Variants in LRBA observed in about 807,000 individuals in gnomAD.
The protein encoded by LRBA is lipopolysaccharide-responsive and beige-like anchor protein.
In LRBA, 176 loss-of-function variants were observed where a neutral mutation model predicts 330.0. That is an observed-to-expected ratio of 0.53 (90% confidence interval 0.47 to 0.60). The LOEUF is 0.60. Ranked by LOEUF, LRBA falls within the 20% of genes least tolerant of loss-of-function variation. The pLI is 0.00. For synonymous variants in LRBA, 1,230 were observed against 1,193.0 expected (o/e 1.03, Z -0.64); for missense variants, 3,259 against 3,444.8 (o/e 0.95, Z 1.35).
intron 37 of LRBA, among the ~76,000 whole-genome samples, chr4:150,658,530 T>C (rs1295784619): frequency 0.19 from 3 of 16 alleles, no homozygotes; most frequent in African/African-American, 0.21. Flanking sequence ...TCCCTCTCCC[T>C]CTCCCTCTCC....
chr4:150,741,633 A>G (rs1731988467), intron 35 of LRBA, among the ~76,000 whole-genome samples: 1 of 152,296 alleles, frequency 6.6e-6, no homozygotes, highest in Middle Eastern at 3.4e-3. Flanking sequence ...TAAAAATAAA[A>G]CTAATTTTTA....
chr4:150,709,857 A>G (rs1786003577), intron 36 of LRBA, among the ~76,000 whole-genome samples: 1 of 152,030 alleles, frequency 6.6e-6, no homozygotes, highest in African/African-American at 2.4e-5. Flanking sequence ...GCTTCTGTGT[A>G]AAAGTGACAC....
chr4:150,585,674 T>C (rs1186697482), intron 40 of LRBA, among the ~76,000 whole-genome samples: 1 of 152,200 alleles, frequency 6.6e-6, no homozygotes, highest in Non-Finnish European at 1.5e-5. Context: ...AGGTACAGAA[T>C]ATATGTCAGA....
intron 37 of LRBA, among the ~76,000 whole-genome samples, chr4:150,615,062 G>C (rs1420321392): frequency 6.6e-6 from 1 of 152,204 alleles, no homozygotes; most frequent in Non-Finnish European, 1.5e-5. Context: ...AGGAGGTGAA[G>C]GTGTCAGTTA....
chr4:150,285,834 CAGAAGCTTT>C (rs1174720484), intron 54 of LRBA, 90 bp downstream of exon 54: 2 of 628,026 alleles, frequency 3.2e-6, no homozygotes, highest in African/African-American at 3.8e-5. Flanking sequence ...TCATAACAGA[CAGAAGCTTT>C]AGAAAAAAGG....
At chr4:150,326,083 G>C (rs924712934) in intron 48 of LRBA, among the ~76,000 whole-genome samples, 185 bp from the exon 49 acceptor site, 4 of 152,138 alleles carry the variant, frequency 2.6e-5, no homozygotes, top group Admixed American at 6.6e-5. Context: ...ATTTAGAACC[G>C]CAGAAGCTGT....
At chr4:150,611,890 A>G (rs953799438) in intron 37 of LRBA, among the ~76,000 whole-genome samples, 6 of 152,066 alleles carry the variant, frequency 3.9e-5, no homozygotes, top group Non-Finnish European at 8.8e-5. Context: ...CTTTATTTCT[A>G]CGCGCTCTCT....
intron 17 of LRBA, among the ~76,000 whole-genome samples, chr4:150,874,535 T>C (rs892524917): frequency 6.6e-6 from 1 of 152,204 alleles, no homozygotes; most frequent in Admixed American, 6.5e-5. Flanking sequence ...GGAGGAAAGC[T>C]GCTACAGCTG....
At chr4:150,875,492 A>C (rs1753912389) in intron 17 of LRBA, among the ~76,000 whole-genome samples, 1 of 152,164 alleles carries the variant, frequency 6.6e-6, no homozygotes, top group African/African-American at 2.4e-5. Context: ...TTCTCCCACT[A>C]AACAAGGGTC....
chr4:150,586,769 A>T (rs1772165832), intron 40 of LRBA, among the ~76,000 whole-genome samples: 1 of 152,218 alleles, frequency 6.6e-6, no homozygotes, highest in Admixed American at 6.5e-5. Context: ...AATTAATTAG[A>T]CACTTTTAAA....
chr4:150,940,987 C>G (rs1434258012), intron 2 of LRBA, among the ~76,000 whole-genome samples: 1 of 151,946 alleles, frequency 6.6e-6, no homozygotes, highest in Non-Finnish European at 1.5e-5. Context: ...AGTGTATCTA[C>G]TGACTCCTCA....
At chr4:150,292,205 C>G (rs1206279684) in intron 53 of LRBA, among the ~76,000 whole-genome samples, 1 of 152,152 alleles carries the variant, frequency 6.6e-6, no homozygotes, top group African/African-American at 2.4e-5. Flanking sequence ...TAGTATCTTG[C>G]TCATAAATAT....
chr4:150,982,108 G>A (rs1359987320), intron 2 of LRBA, among the ~76,000 whole-genome samples: 1 of 151,930 alleles, frequency 6.6e-6, no homozygotes, highest in Non-Finnish European at 1.5e-5. Context: ...AACACATCAA[G>A]TTTTCTTCAT....
At chr4:150,851,393 C>CATG (rs1414037512) in intron 23 of LRBA, among the ~76,000 whole-genome samples, 1 of 152,230 alleles carries the variant, frequency 6.6e-6, no homozygotes, top group Non-Finnish European at 1.5e-5. Context: ...AGCACTGTCT[C>CATG]ATGGGTCACT....
rs768700922 is a variant in LRBA, at chr4:150,400,601, C to G, written c.7194+14837G>C. Among the ~76,000 whole-genome samples, 40 of 152,228 alleles carry G rather than the reference C, an allele frequency of 2.6e-4. 1 individual carries two copies. Among genetic ancestry groups the G allele is most frequent in the Middle Eastern group, 3.4e-3 (1 of 294 alleles). ...AAGTGCAGTGGCTCATGCCTGTAATCCCAGCACTTTGGGAGGACAAGGAGG... is the reference window on the plus strand; with the variant it reads ...AAGTGCAGTGGCTCATGCCTGTAATGCCAGCACTTTGGGAGGACAAGGAGG... On this transcript the variant is annotated intron_variant, in intron 47 of 56. Coordinates refer to ENST00000651943, the MANE Select transcript of LRBA (RefSeq NM_001364905.1).
At chr4:150,512,721 A>G (rs936073366) in intron 40 of LRBA, among the ~76,000 whole-genome samples, 3 of 64,752 alleles carry the variant, frequency 4.6e-5, no homozygotes, top group Non-Finnish European at 5.2e-5. Flanking sequence ...TTTTGAGAAA[A>G]AAAAAAAAAA....
chr4:150,681,932 A>G (rs1002043673), intron 37 of LRBA, among the ~76,000 whole-genome samples: 4 of 152,188 alleles, frequency 2.6e-5, no homozygotes, highest in Non-Finnish European at 4.4e-5. Flanking sequence ...TTACACCAAA[A>G]TCACTTCAGG....
intron 40 of LRBA, among the ~76,000 whole-genome samples, chr4:150,528,426 G>A (rs959469189): frequency 1.9e-4 from 29 of 151,628 alleles, no homozygotes; most frequent in African/African-American, 5.6e-4. Context: ...GCGTGAACCC[G>A]GGAGGTGGAG....
At chr4:150,800,524 G>A (rs1741452598) in intron 33 of LRBA, among the ~76,000 whole-genome samples, 1 of 152,138 alleles carries the variant, frequency 6.6e-6, no homozygotes, top group South Asian at 2.1e-4. Flanking sequence ...CTCATCACAT[G>A]TGCAAAAAAA....
Sources: gnomAD v4.1 joint callset for allele counts (sites outside exome capture counted in the v4.1 genomes callset) on GRCh38, gnomAD v4.1.1 for gene constraint, MANE v1.5 for transcripts, NCBI Gene and HGNC (gene_info 2026-07-23, HGNC 2026-07-21) for gene names.